Variants in KCNC4 observed in about 807,000 individuals in gnomAD.
KCNC4 encodes the protein voltage-gated potassium channel KCNC4.
Under a neutral mutation model 42.8 loss-of-function variants are expected in KCNC4, and 23 were observed. The ratio of observed to expected loss-of-function variants is 0.54; its 90% confidence interval spans 0.39 to 0.76. The LOEUF is 0.76. Among genes scored for constraint, KCNC4 ranks in the 30% least tolerant of loss-of-function variants. The pLI, the probability that KCNC4 is intolerant of heterozygous loss-of-function variation, is 0.00. For missense variants in KCNC4, 751 were observed against 898.2 expected, an observed-to-expected ratio of 0.84 and a Z score of 2.10; for synonymous variants, 422 against 393.5, an observed-to-expected ratio of 1.07 and a Z score of -0.86.
intron 3 of KCNC4, among the ~76,000 whole-genome samples, chr1:110,226,574 C>T (rs951284399): frequency 2.0e-5 from 3 of 152,182 alleles, no homozygotes; most frequent in Admixed American, 6.5e-5. Flanking sequence ...TAAGGCTTCC[C>T]AAGTAGGTGA....
chr1:110,260,166 C>T (rs1659399973), intron 1 of KCNC4, among the ~76,000 whole-genome samples: 1 of 152,178 alleles, frequency 6.6e-6, no homozygotes, highest in Admixed American at 6.5e-5. Context: ...GCTGAGAAGT[C>T]CCTGAGAATT....
At chr1:110,268,638 GAAAAA>G (rs913560317) in intron 1 of KCNC4, among the ~76,000 whole-genome samples, 1 of 139,316 alleles carries the variant, frequency 7.2e-6, no homozygotes, top group African/African-American at 2.6e-5. Flanking sequence ...GAAAAGAAAA[GAAAAA>G]AAAAGAAACC....
chr1:110,223,239 C>T lies in KCNC4; in HGVS notation c.954C>T (p.Asp318=), dbSNP rs1571039051. ...TCAAGAACCTGCTCAACATCATCGA[C>T]TTTGTGGCCATCCTGCCCTTCTACC... ...DFVKNLLNII[D]FVAILPFYLE... The change falls in exon 2 of 4, where the codon GAC becomes GAT. Residue 318 remains aspartate (D), a synonymous_variant. Transcript: ENST00000438661. This position sits in a 1 kb window ranked among gnomAD's most constrained non-coding sequence, Gnocchi z 7.5. 8 of 1,614,250 alleles carry T rather than the reference C, an allele frequency of 5.0e-6. No individual in the cohort carries two copies. Among genetic ancestry groups the T allele is most frequent in the Non-Finnish European group, 6.8e-6 (8 of 1,180,036 alleles).
chr1:110,213,170 T>TAAAACAAAAAAA (rs1657589581), intron 1 of KCNC4, among the ~76,000 whole-genome samples: 1 of 50,850 alleles, frequency 2.0e-5, no homozygotes, highest in African/African-American at 8.8e-5. Flanking sequence ...CTTCGACAGC[T>TAAAACAAAAAAA]AAAAAAAAAA....
intron 1 of KCNC4, among the ~76,000 whole-genome samples, chr1:110,281,201 C>A (rs940395085): frequency 6.6e-6 from 1 of 152,034 alleles, no homozygotes; most frequent in Non-Finnish European, 1.5e-5. Context: ...GTGCTTGGAG[C>A]GGGGAAGGGG....
At chr1:110,276,071 CTCTTA>C (rs1659720298) in intron 1 of KCNC4, among the ~76,000 whole-genome samples, 1 of 151,152 alleles carries the variant, frequency 6.6e-6, no homozygotes, top group Non-Finnish European at 1.5e-5. Flanking sequence ...ACCATATGTT[CTCTTA>C]TAAGTGAGAG....
chr1:110,257,033 T>C (rs1659344225), intron 1 of KCNC4: 1 of 153,686 alleles, frequency 6.5e-6, no homozygotes, highest in Non-Finnish European at 1.5e-5. Context: ...ATCTGTTTGG[T>C]TGGACCAGTT....
intron 1 of KCNC4, among the ~76,000 whole-genome samples, chr1:110,262,478 T>C (rs1183904509): frequency 6.6e-6 from 1 of 152,206 alleles, no homozygotes; most frequent in South Asian, 2.1e-4. Context: ...CCTGCCCCAG[T>C]GCCTACCTCT....
chr1:110,267,894 T>C (rs184928987), intron 1 of KCNC4, among the ~76,000 whole-genome samples: 77 of 152,346 alleles, frequency 5.1e-4, no homozygotes, highest in African/African-American at 1.6e-3. Flanking sequence ...TGTTCAGAGA[T>C]TGAAGTCGCA....
At chr1:110,253,632 G>C (rs1659280009), downstream of KCNC4, among the ~76,000 whole-genome samples, 1 of 152,324 alleles carries the variant, frequency 6.6e-6, no homozygotes, top group East Asian at 1.9e-4. Context: ...CTGATCCTGA[G>C]TCTAGGGCTC....
downstream of KCNC4, among the ~76,000 whole-genome samples, chr1:110,253,049 C>G (rs1466681287): frequency 6.6e-6 from 1 of 152,134 alleles, no homozygotes; most frequent in Non-Finnish European, 1.5e-5. Context: ...TTTGCTAGGT[C>G]TCCTCCACTC....
At chr1:110,251,805 A>G (rs1323179424), downstream of KCNC4, among the ~76,000 whole-genome samples, 1 of 152,256 alleles carries the variant, frequency 6.6e-6, no homozygotes, top group Non-Finnish European at 1.5e-5. Flanking sequence ...AGGCAAAGAC[A>G]ACAAGGCACA....
At position 110,280,272 on chromosome 1, in the gene KCNC4, T is replaced by C. The variant is rs143707054; in HGVS notation, n.31-2262T>C. Among the ~76,000 whole-genome samples, 688 of 152,254 alleles carry C rather than the reference T, an allele frequency of 4.5e-3. 5 individuals carry two copies. Among genetic ancestry groups the C allele is most frequent in the African/African-American group, 0.015 (613 of 41,556 alleles). On this transcript the variant is annotated intron_variant and non_coding_transcript_variant, in intron 1 of 2. Coordinates refer to the KCNC4 transcript ENST00000412512. ...GTTCAGGTTCATACCTAGGCCAGTG[T>C]GCCTCCAAAGCTGGTCTTTGTAAAG...
At position 110,211,605 on chromosome 1, in the gene KCNC4, G is replaced by A. The variant is rs1017810707; in HGVS notation, c.106G>A (p.Glu36Lys). 2.5e-6 allele frequency: 4 copies of A among 1,614,062 alleles called. No individual in the cohort carries two copies. The highest frequency in any genetic ancestry group is 2.2e-5 in the South Asian group (2 of 91,088). The change falls in exon 1 of 4, where the codon GAG becomes AAG. Residue 36 changes from glutamate to lysine, a missense_variant. This residue lies in a region of KCNC4 where 183 missense variants were observed against 255.8 expected (regional missense o/e 0.72). Transcript: ENST00000438661. This position sits in a 1 kb window ranked among gnomAD's most constrained non-coding sequence, Gnocchi z 6.5. ...GGAGATGGCCAAGGGCGAGGCGTCG[G>A]AGAAGATCATCATCAACGTGGGCGG... ...KEEMAKGEAS[E>K]KIIINVGGTR... is the part of the protein sequence containing the mutation.
In KCNC4 at chr1:110,223,213, G is replaced by T; in HGVS notation, c.928G>T (p.Val310Phe). ...GTGCTGCCCCGACACGCTGGACTTC[G>T]TCAAGAACCTGCTCAACATCATCGA... ...IVCCPDTLDFVKNLLNIIDFV... is the reference protein window; with the variant it reads ...IVCCPDTLDFFKNLLNIIDFV... The change falls in exon 2 of 4, where the codon GTC (valine) becomes TTC (phenylalanine). Residue 310 changes from valine (V) to phenylalanine (F), a missense_variant. This residue lies in a region of KCNC4 where 185 missense variants were observed against 293.7 expected (regional missense o/e 0.63). Transcript: ENST00000438661. The surrounding 1 kb of genome is among the most constrained non-coding windows in gnomAD (Gnocchi z 7.5). 1 of 1,614,214 alleles carries T rather than the reference G, an allele frequency of 6.2e-7. No individual in the cohort carries two copies. Among genetic ancestry groups the T allele is most frequent in the East Asian group, 2.2e-5 (1 of 44,876 alleles).
At chr1:110,242,704 G>C (rs1659054664) in exon 4 of KCNC4, 1 of 152,234 alleles carries the variant, frequency 6.6e-6, no homozygotes, top group Non-Finnish European at 1.5e-5. Context: ...AACGTGGATT[G>C]AGTGTTTACG....
At chr1:110,262,916 T>A (rs1354509742) in intron 1 of KCNC4, among the ~76,000 whole-genome samples, 1 of 152,222 alleles carries the variant, frequency 6.6e-6, no homozygotes, top group Admixed American at 6.5e-5. Context: ...GCCTTGAGCA[T>A]CTGTGGTGAG....
chr1:110,216,144 C>T (rs1571026248), intron 1 of KCNC4, among the ~76,000 whole-genome samples: 1 of 152,348 alleles, frequency 6.6e-6, no homozygotes, highest in East Asian at 1.9e-4. Context: ...AGCAGAGCTG[C>T]ATTCCTGCCT....
At chr1:110,278,317 A>G (rs1659761101) in intron 1 of KCNC4, among the ~76,000 whole-genome samples, 1 of 152,150 alleles carries the variant, frequency 6.6e-6, no homozygotes, top group Non-Finnish European at 1.5e-5. Flanking sequence ...ATATGAGTCA[A>G]TGGTTTTGAA....
Sources: gnomAD v4.1 joint callset for allele counts (sites outside exome capture counted in the v4.1 genomes callset) on GRCh38, gnomAD v4.1.1 for gene constraint, gnomAD v4.1.1 regional missense constraint, Gnocchi (gnomAD v3.1) non-coding constraint, MANE v1.5 for transcripts, NCBI Gene and HGNC (gene_info 2026-07-23, HGNC 2026-07-21) for gene names.